The following ADAMTS20 variants were observed in gnomAD, a reference collection of about 807,000 sequenced individuals.
ADAMTS20 encodes ADAM metallopeptidase with thrombospondin type 1 motif 20.
Under a neutral mutation model 260.1 loss-of-function variants are expected in ADAMTS20, and 225 were observed. The observed-to-expected ratio is 0.87, with a 90% confidence interval of 0.78 to 0.97. The LOEUF (loss-of-function observed/expected upper bound fraction) is 0.97. Ranked by LOEUF, ADAMTS20 falls within the 50% of genes least tolerant of loss-of-function variation. ADAMTS20 has a pLI of 0.00. For missense variants in ADAMTS20, 2,400 were observed against 2,337.7 expected (o/e 1.03, Z -0.55); for synonymous variants, 802 against 769.5 (o/e 1.04, Z -0.70).
downstream of ADAMTS20, among the ~76,000 whole-genome samples, chr12:43,353,387 G>GA (rs1939674667): frequency 6.6e-6 from 1 of 151,728 alleles, no homozygotes; most frequent in Non-Finnish European, 1.5e-5. Context: ...ATAACTTTGA[G>GA]AAAATAGATT....
chr12:43,453,069 G>A (rs983105957), intron 12 of ADAMTS20, among the ~76,000 whole-genome samples: 3 of 152,156 alleles, frequency 2.0e-5, no homozygotes, highest in African/African-American at 7.2e-5. Flanking sequence ...TAAATAAAAA[G>A]GAAATGTATA....
intron 2 of ADAMTS20, among the ~76,000 whole-genome samples, chr12:43,547,183 C>T (rs570694453): frequency 5.4e-4 from 82 of 152,298 alleles, no homozygotes; most frequent in Middle Eastern, 3.4e-3. Flanking sequence ...AATGGTTATA[C>T]AGAGATATTT....
chr12:43,533,425 T>TAATATTTCTCATTCTTGTG, intron 2 of ADAMTS20, among the ~76,000 whole-genome samples: 1 of 132,848 alleles, frequency 7.5e-6, no homozygotes, highest in African/African-American at 2.7e-5. Flanking sequence ...ACAAGGGATG[T>TAATATTTCTCATTCTTGTG]GAAGGACCTC....
intron 3 of ADAMTS20, among the ~76,000 whole-genome samples, chr12:43,522,979 TACTGTATCAGAAAAAGATATC>T: frequency 6.6e-6 from 1 of 152,198 alleles, no homozygotes. Flanking sequence ...TCAACAGAAA[TACTGTATCAGAAAAAGATATC>T]ACTTTTCCTT....
At chr12:43,544,916 T>C (rs1274719985) in intron 2 of ADAMTS20, among the ~76,000 whole-genome samples, 1 of 152,190 alleles carries the variant, frequency 6.6e-6, no homozygotes, top group East Asian at 1.9e-4. Context: ...TAATTCTTTG[T>C]GTAGGGGGCT....
intron 2 of ADAMTS20, among the ~76,000 whole-genome samples, chr12:43,546,153 C>A (rs1203864779): frequency 6.6e-6 from 1 of 151,994 alleles, no homozygotes; most frequent in South Asian, 2.1e-4. Flanking sequence ...ACAGTAAAAA[C>A]ACTATTGATA....
chr12:43,504,701 G>T (rs959953869), intron 3 of ADAMTS20, among the ~76,000 whole-genome samples: 1 of 152,098 alleles, frequency 6.6e-6, no homozygotes, highest in Admixed American at 6.5e-5. Flanking sequence ...GTATTGAGGA[G>T]CAAATAGCAC....
chr12:43,448,203 A>T (rs761228572), intron 14 of ADAMTS20, among the ~76,000 whole-genome samples: 3 of 152,192 alleles, frequency 2.0e-5, no homozygotes, highest in Non-Finnish European at 4.4e-5. Context: ...ACCAAAAAGA[A>T]CAAAGCTGAA....
chr12:43,506,757 C>T (rs1471092275), intron 3 of ADAMTS20, among the ~76,000 whole-genome samples: 1 of 149,810 alleles, frequency 6.7e-6, no homozygotes, highest in East Asian at 2.0e-4. Context: ...GGATTACAGG[C>T]GTGAGCCACC....
intron 4 of ADAMTS20, among the ~76,000 whole-genome samples, chr12:43,494,265 T>A (rs1942646160): frequency 6.6e-6 from 1 of 152,208 alleles, no homozygotes; most frequent in African/African-American, 2.4e-5. Context: ...CATTGCTTTG[T>A]TGGCTAGAGA....
At chr12:43,465,387 C>A (rs192029930) in intron 9 of ADAMTS20, among the ~76,000 whole-genome samples, 2 of 152,080 alleles carry the variant, frequency 1.3e-5, no homozygotes, top group South Asian at 2.1e-4. Flanking sequence ...GTGGTAATAT[C>A]TTTTAACATG....
Position 43,501,626 on chromosome 12 carries a change from C to T in ADAMTS20, c.867+526G>A, listed in dbSNP as rs190771014. Among the ~76,000 whole-genome samples, 1,119 of 152,068 alleles carry T rather than the reference C, an allele frequency of 7.4e-3. 18 individuals carry two copies. The highest frequency in any genetic ancestry group is 0.026 in the African/African-American group (1,095 of 41,486). On this transcript the variant is annotated intron_variant, in intron 4 of 38. Transcript: ENST00000389420. ...AAGATAGTAACATCAGATCAAGGAC[C>T]CTTAGAGTTATCGTGACCTTATATT...
intron 7 of ADAMTS20, among the ~76,000 whole-genome samples, chr12:43,469,986 G>A (rs1446195317): frequency 6.6e-6 from 1 of 152,080 alleles, no homozygotes; most frequent in Non-Finnish European, 1.5e-5. Context: ...GGTCCCTCCA[G>A]AAAACGAGCT....
At chr12:43,429,047 T>C (rs1022129752) in intron 24 of ADAMTS20, among the ~76,000 whole-genome samples, 2 of 152,062 alleles carry the variant, frequency 1.3e-5, no homozygotes, top group Non-Finnish European at 1.5e-5. Context: ...ATATAATGAT[T>C]TAAAATAATG....
At chr12:43,493,800 C>T (rs17615699) in intron 4 of ADAMTS20, among the ~76,000 whole-genome samples, 10,827 of 152,220 alleles carry the variant, frequency 0.071, 607 homozygotes, top group Non-Finnish European at 0.096. Context: ...ATTTCCAACT[C>T]CAAATATGGT....
chr12:43,501,691 C>T (rs1025908597), intron 4 of ADAMTS20, among the ~76,000 whole-genome samples: 1 of 152,020 alleles, frequency 6.6e-6, no homozygotes, highest in Non-Finnish European at 1.5e-5. Context: ...ATAATCTATC[C>T]CTTTAACGCC....
At chr12:43,424,790 C>T (rs996223235) in intron 28 of ADAMTS20, among the ~76,000 whole-genome samples, 3 of 151,702 alleles carry the variant, frequency 2.0e-5, no homozygotes, top group Non-Finnish European at 2.9e-5. Flanking sequence ...TCCATTAGAA[C>T]AGTAGTATGG....
intron 7 of ADAMTS20, among the ~76,000 whole-genome samples, chr12:43,470,765 T>C (rs1942241327): frequency 1.3e-5 from 2 of 152,336 alleles, no homozygotes; most frequent in African/African-American, 4.8e-5. Flanking sequence ...GAAAATCTAG[T>C]AATTACTACC....
At chr12:43,461,234 G>A (rs907139589) in intron 11 of ADAMTS20, among the ~76,000 whole-genome samples, 3 of 150,950 alleles carry the variant, frequency 2.0e-5, no homozygotes, top group East Asian at 2.0e-4. Flanking sequence ...CAGGTGATCC[G>A]CCTGCCTCGG....
Sources: gnomAD v4.1 joint callset for allele counts (sites outside exome capture counted in the v4.1 genomes callset) on GRCh38, gnomAD v4.1.1 for gene constraint, MANE v1.5 for transcripts, NCBI Gene and HGNC (gene_info 2026-07-23, HGNC 2026-07-21) for gene names.